The following DNAH14 variants were observed in gnomAD, a reference collection of about 807,000 sequenced individuals.
DNAH14 encodes axonemal beta dynein heavy chain 14.
In DNAH14, 478 loss-of-function variants were observed where a neutral mutation model predicts 520.9. The ratio of observed to expected loss-of-function variants is 0.92; its 90% CI spans 0.85 to 0.99. The LOEUF (loss-of-function observed/expected upper bound fraction) is 0.99. Among genes scored for constraint, DNAH14 ranks in the 50% least tolerant of loss-of-function variants. The pLI, the probability that DNAH14 is intolerant of heterozygous loss-of-function variation, is 0.00. For missense variants in DNAH14, 4,831 were observed against 5,234.5 expected, an observed-to-expected ratio of 0.92 and a Z score of 2.38; for synonymous variants, 1,581 against 1,757.2, an observed-to-expected ratio of 0.90 and a Z score of 2.51.
In DNAH14 at chr1:225,087,873, G is replaced by A. The variant is rs377017034; in HGVS notation, c.3573+2084G>A. Among the ~76,000 whole-genome samples the A allele has an allele frequency of 6.6e-5, 10 of 152,296 alleles. No homozygotes were observed. In the East Asian group the frequency reaches 1.3e-3, roughly 21 times the overall value. Reference sequence around the variant, plus strand: ...AACAACCACTTGAGAAAATTAGAGGGAACAATGCCTGGTGCTCACACAGGG... The same window carrying A: ...AACAACCACTTGAGAAAATTAGAGGAAACAATGCCTGGTGCTCACACAGGG... On this transcript the variant is annotated intron_variant, in intron 21 of 85. Transcript: ENST00000682510.
chr1:225,301,350 C>T lies in DNAH14; in HGVS notation c.8631+320C>T, dbSNP rs182532740. On this transcript the variant is annotated intron_variant, in intron 56 of 85. Transcript: ENST00000682510. Reference sequence around the variant, plus strand: ...GTATTTCTTACACAAAGATTCTTTCCTAGATAATGATGTTCTTATTTCGTC... The same window carrying T: ...GTATTTCTTACACAAAGATTCTTTCTTAGATAATGATGTTCTTATTTCGTC... 1.9e-3 allele frequency among the ~76,000 whole-genome samples: 290 copies of T among 152,068 alleles called. 1 individual carries two copies. Among genetic ancestry groups the T allele is most frequent in the Middle Eastern group, 3.4e-3 (1 of 294 alleles).
chr1:225,119,420 T>C, intron 26 of DNAH14, 126 bp downstream of exon 26: 1 of 582,858 alleles, frequency 1.7e-6, no homozygotes, highest in Non-Finnish European at 2.7e-6. Flanking sequence ...CAGAAAAGAA[T>C]ATGGAGTCAA....
intron 41 of DNAH14, among the ~76,000 whole-genome samples, chr1:225,215,089 G>T (rs985168289): frequency 6.6e-6 from 1 of 152,212 alleles, no homozygotes; most frequent in African/African-American, 2.4e-5. Flanking sequence ...ATGTGTTCCA[G>T]AGATTCTGGT....
chr1:225,283,932 G>A (rs769701948), intron 54 of DNAH14, among the ~76,000 whole-genome samples: 6 of 151,960 alleles, frequency 3.9e-5, no homozygotes, highest in Admixed American at 3.9e-4. Context: ...CTCCTAAATG[G>A]GTGAAAGAAG....
At chr1:225,139,266 A>G (rs1460288164) in intron 27 of DNAH14, among the ~76,000 whole-genome samples, 1 of 152,222 alleles carries the variant, frequency 6.6e-6, no homozygotes, top group Admixed American at 6.5e-5. Flanking sequence ...CAGGAATTCA[A>G]ATAATCAAAT....
chr1:225,140,633 G>A, intron 27 of DNAH14, 135 bp from the exon 28 acceptor site: 1 of 687,844 alleles, frequency 1.5e-6, no homozygotes, highest in Non-Finnish European at 2.3e-6. Flanking sequence ...AAATGTGTAA[G>A]GTCTCTTACA....
intron 39 of DNAH14, 75 bp downstream of exon 39, chr1:225,204,348 T>A: frequency 1.2e-6 from 1 of 827,872 alleles, no homozygotes; most frequent in Non-Finnish European, 1.8e-6. Flanking sequence ...TATATTTATA[T>A]GTTTAAACAT....
intron 35 of DNAH14, among the ~76,000 whole-genome samples, chr1:225,165,881 G>A (rs963634855): frequency 1.3e-5 from 2 of 151,948 alleles, no homozygotes; most frequent in Non-Finnish European, 2.9e-5. Context: ...CACCGCGCAT[G>A]GCCTCATATT....
intron 36 of DNAH14, 146 bp from the exon 37 acceptor site, chr1:225,185,145 A>G (rs2084538839): frequency 1.2e-6 from 1 of 857,212 alleles, no homozygotes; most frequent in Non-Finnish European, 1.7e-6. Context: ...CTATACACCA[A>G]TAACATTCAT....
At chr1:225,138,165 G>A (rs934872347) in intron 27 of DNAH14, among the ~76,000 whole-genome samples, 11 of 152,144 alleles carry the variant, frequency 7.2e-5, no homozygotes, top group African/African-American at 2.7e-4. Flanking sequence ...GACCTGCCCA[G>A]TGAGAAGTAG....
chr1:225,343,982 G>A (rs1248319425), intron 69 of DNAH14, among the ~76,000 whole-genome samples: 2 of 152,116 alleles, frequency 1.3e-5, no homozygotes, highest in Non-Finnish European at 2.9e-5. Context: ...GATTTGATGA[G>A]ATAAGTGAAA....
intron 11 of DNAH14, among the ~76,000 whole-genome samples, chr1:225,034,383 C>T (rs2066775688): frequency 6.6e-6 from 1 of 152,060 alleles, no homozygotes; most frequent in Non-Finnish European, 1.5e-5. Flanking sequence ...GTATGTTGAG[C>T]CAACCTTGGA....
intron 43 of DNAH14, among the ~76,000 whole-genome samples, chr1:225,244,950 A>G (rs1299049859): frequency 6.6e-6 from 1 of 151,986 alleles, no homozygotes; most frequent in Non-Finnish European, 1.5e-5. Context: ...TAGGGTGTCG[A>G]TTTTAGATCT....
chr1:224,980,677 C>G (rs1395305845), intron 8 of DNAH14, among the ~76,000 whole-genome samples: 2 of 152,188 alleles, frequency 1.3e-5, no homozygotes, highest in Admixed American at 1.3e-4. Flanking sequence ...TTTGGTGAGA[C>G]TCAGGCCTGT....
rs932599943 is a variant in DNAH14, at chr1:225,377,248, A to T, written c.12528A>T (p.Pro4176=). ...TGTTAAATTTTCAGATATGTCTGCC[A>T]GTTCCAGGATCTGCAAGCATAAAGG... ...FSFSSDGICL[P]VPGSASIKDY... is the part of the protein sequence containing the mutation. The change falls in exon 79 of 86, where the codon CCA becomes CCT. Residue 4176 remains proline, a synonymous_variant. Coordinates refer to ENST00000682510, the MANE Select transcript of DNAH14 (RefSeq NM_001367479.1). 3 of 1,390,608 alleles carry T rather than the reference A, an allele frequency of 2.2e-6. No individual in the cohort carries two copies. The African/African-American group carries it at 4.4e-5, about 20-fold the overall frequency. The allele number at this position is 1,390,608 out of a possible 1,614,324, so 86.1% of individuals were successfully genotyped here.
rs558329641 is a variant in DNAH14, at chr1:225,306,657, T to C, written c.9006-804T>C. On this transcript the variant is annotated intron_variant, in intron 58 of 85. Transcript: ENST00000682510. Reference sequence around the variant, plus strand: ...CACCCCTTTTCCATTCCTCCTCATGTCTTACCCACAACACAGCTCTAGATC... The same window carrying C: ...CACCCCTTTTCCATTCCTCCTCATGCCTTACCCACAACACAGCTCTAGATC... Among the ~76,000 whole-genome samples the C allele has an allele frequency of 2.6e-5, 4 of 152,288 alleles. No homozygotes were observed. The South Asian group carries it at 8.3e-4, about 32-fold the overall frequency.
In DNAH14 at chr1:225,038,785, C is replaced by G. The variant is rs993702081; in HGVS notation, c.1450C>G (p.Gln484Glu). Residue 484 changes from glutamine (Q) to glutamate (E), a missense_variant, in exon 12 of 86, where the codon CAA becomes GAA. Coordinates refer to ENST00000682510, the MANE Select transcript of DNAH14 (RefSeq NM_001367479.1). ...TTCAAAGTTACATGCTATTTCTGTT[C>G]AAAAGTCAGAAGTAAAAACAGACAC... ...DNSKLHAISV[Q>E]KSEVKTDTDI... is the part of the protein sequence containing the mutation. 2.0e-6 allele frequency: 3 copies of G among 1,514,124 alleles called. No individual in the cohort carries two copies. In the African/African-American group the frequency reaches 4.2e-5, roughly 21 times the overall value. The allele number at this position is 1,514,124 out of a possible 1,614,324, so 93.8% of individuals were successfully genotyped here. A position where few individuals can be genotyped will look rare whatever the true frequency, so the allele number is the denominator to read the frequency against.
chr1:225,030,220 A>G (rs1176294047), intron 11 of DNAH14, among the ~76,000 whole-genome samples: 3 of 151,876 alleles, frequency 2.0e-5, no homozygotes, highest in African/African-American at 7.2e-5. Context: ...GAAAATGAAA[A>G]CACAACATAA....
chr1:225,277,283 T>C lies in DNAH14; in HGVS notation c.8179-127T>C, dbSNP rs115082608. 885 of 354,744 alleles carry C rather than the reference T, an allele frequency of 2.5e-3. 5 individuals carry two copies. Among genetic ancestry groups the C allele is most frequent in the African/African-American group, 0.017 (798 of 46,544 alleles). 22.0% of individuals were successfully genotyped at this position (354,744 alleles called of 1,614,324 possible). A position where few individuals can be genotyped will look rare whatever the true frequency, so the allele number is the denominator to read the frequency against. ...CCCTAAATGTTAATGATAACCAGCT[T>C]ACTAGATCTAGAGCTCTGGATTACT... On this transcript the variant is annotated intron_variant, in intron 53 of 85. Transcript: ENST00000682510.
Sources: gnomAD v4.1 joint callset for allele counts (sites outside exome capture counted in the v4.1 genomes callset) on GRCh38, gnomAD v4.1.1 for gene constraint, MANE v1.5 for transcripts, NCBI Gene and HGNC (gene_info 2026-07-23, HGNC 2026-07-21) for gene names.